Variants in TFEB observed in about 807,000 individuals in gnomAD.
The protein encoded by TFEB is T-cell transcription factor EB.
Under a neutral mutation model 48.0 loss-of-function variants are expected in TFEB, and 12 were observed. The ratio of observed to expected loss-of-function variants is 0.25; its 90% confidence interval spans 0.16 to 0.40. TFEB has a LOEUF of 0.40. Ranked by LOEUF, TFEB falls within the 10% of genes least tolerant of loss-of-function variation. The probability of loss-of-function intolerance (pLI) is 1.00; values close to 1 mark genes in which losing one functional copy is unlikely to be tolerated. For synonymous variants in TFEB, 244 were observed against 261.4 expected (o/e 0.93, Z 0.64); for missense variants, 509 against 640.3 (o/e 0.79, Z 2.21).
At chr6:41,686,700 G>A (rs1445988337) in intron 7 of TFEB, 4 of 259,372 alleles carry the variant, frequency 1.5e-5, no homozygotes, top group Non-Finnish European at 3.0e-5. Context: ...ATTTTTAGTA[G>A]AGATGGGGTT....
chr6:41,688,136 G>C (rs1769113231), intron 4 of TFEB, 108 bp from the exon 5 acceptor site: 1 of 1,386,462 alleles, frequency 7.2e-7, no homozygotes, highest in Admixed American at 2.4e-5. Flanking sequence ...CACCTGGAGT[G>C]TCAAAATTCA....
chr6:41,690,374 G>C (rs9471627), intron 3 of TFEB, among the ~76,000 whole-genome samples: 69,944 of 151,988 alleles, frequency 0.46, 16,238 homozygotes, highest in Middle Eastern at 0.58. Context: ...AAGTGATCTG[G>C]CTGCCTCAGC....
At chr6:41,729,114 C>A (rs1224138549) in intron 1 of TFEB, among the ~76,000 whole-genome samples, 3 of 152,030 alleles carry the variant, frequency 2.0e-5, no homozygotes, top group Non-Finnish European at 2.9e-5. Flanking sequence ...GCCTCCCCTG[C>A]AGCAGGGCTG....
chr6:41,735,507 C>T lies in TFEB; in HGVS notation c.-180G>A. ...AGGCCCGCCCCGTCCGCCCTTCCCG[C>T]CGCCGTCGGCGCCGCGGCCGCTCCC... On this transcript the variant is annotated 5_prime_UTR_variant, in exon 1 of 9. Transcript: ENST00000373033. The T allele has an allele frequency of 1.0e-6, 1 of 984,328 alleles. No individual in the cohort carries two copies. The highest frequency in any genetic ancestry group is 1.2e-6 in the Non-Finnish European group (1 of 829,700). The allele number at this position is 984,328 out of a possible 1,614,324, so 61.0% of individuals were successfully genotyped here.
chr6:41,690,420 G>A (rs2127448218), intron 3 of TFEB, among the ~76,000 whole-genome samples: 1 of 152,312 alleles, frequency 6.6e-6, no homozygotes, highest in South Asian at 2.1e-4. Flanking sequence ...GTGAGCCACG[G>A]CACCTGACTT....
intron 1 of TFEB, among the ~76,000 whole-genome samples, chr6:41,693,048 G>C (rs1769393362): frequency 6.6e-6 from 1 of 152,188 alleles, no homozygotes; most frequent in South Asian, 2.1e-4. Context: ...TAGCACCTGG[G>C]AGGCTGAGTG....
At position 41,730,626 on chromosome 6, in the gene TFEB, C is replaced by T. The variant is rs536355902; in HGVS notation, c.-23+4724G>A. On this transcript the variant is annotated intron_variant, in intron 1 of 8. Coordinates refer to ENST00000373033, the MANE Select transcript of TFEB (RefSeq NM_001271944.2). This position sits in a 1 kb window ranked among gnomAD's most constrained non-coding sequence, Gnocchi z 4.1. ...CTCTGCTCCTCTTGGCTCTCACCCA[C>T]GGCTTTGCCATTTCACAGCAAAGCA... Among the ~76,000 whole-genome samples the T allele has an allele frequency of 2.6e-5, 4 of 152,362 alleles. No homozygotes were observed. Among genetic ancestry groups the T allele is most frequent in the Admixed American group, 2.6e-4 (4 of 15,306 alleles).
intron 1 of TFEB, among the ~76,000 whole-genome samples, chr6:41,728,388 C>T (rs1016208946): frequency 5.9e-5 from 9 of 152,176 alleles, no homozygotes; most frequent in Admixed American, 5.9e-4. Flanking sequence ...TCTGACACCC[C>T]CAGCTCTACG....
At chr6:41,703,276 C>T (rs1270009837) in intron 1 of TFEB, among the ~76,000 whole-genome samples, 1 of 152,226 alleles carries the variant, frequency 6.6e-6, no homozygotes, top group Non-Finnish European at 1.5e-5. Context: ...GCTTCTGGCT[C>T]CTGGTCCCAA....
intron 1 of TFEB, among the ~76,000 whole-genome samples, chr6:41,712,454 C>T (rs1770524831): frequency 6.6e-6 from 1 of 152,230 alleles, no homozygotes; most frequent in South Asian, 2.1e-4. Flanking sequence ...TCTCACTAGC[C>T]ATGAGGCCTT....
chr6:41,691,070 C>T lies in TFEB; in HGVS notation c.144G>A (p.Pro48=), dbSNP rs141657197. The T allele has an allele frequency of 5.5e-5, 87 of 1,570,846 alleles. No individual in the cohort carries two copies. The African/African-American group carries it at 6.1e-4, about 11-fold the overall frequency. The change falls in exon 2 of 9, where the codon CCG becomes CCA. Residue 48 remains proline, a synonymous_variant. Coordinates refer to ENST00000373033, the MANE Select transcript of TFEB (RefSeq NM_001271944.2). The surrounding 1 kb of genome is among the most constrained non-coding windows in gnomAD (Gnocchi z 5.2). ...CGGGGGTATTGATGGCCGGGGTGGGCGGCCCTCCGAGCTGCTGCTGTTGCT... is the reference window on the plus strand; with the variant it reads ...CGGGGGTATTGATGGCCGGGGTGGGTGGCCCTCCGAGCTGCTGCTGTTGCT... ...QQQQQQQLGG[P]PTPAINTPVH...
rs1032431492 is a variant in TFEB at position 41,735,417 on chromosome 6, G to C, written c.-90C>G. 7 of 985,378 alleles carry C rather than the reference G, an allele frequency of 7.1e-6. No homozygotes were observed. In the Admixed American group the frequency reaches 1.9e-4, roughly 26 times the overall value. The allele number at this position is 985,378 out of a possible 1,614,324, so 61.0% of individuals were successfully genotyped here. On this transcript the variant is annotated 5_prime_UTR_variant, in exon 1 of 9. Coordinates refer to ENST00000373033, the MANE Select transcript of TFEB (RefSeq NM_001271944.2). Reference sequence around the variant, plus strand: ...CTCCGGCAACTTGTCGCAAGTTCGGGTGCCTGGCCCGCAAGCTGTGCCCGC... The same window carrying C: ...CTCCGGCAACTTGTCGCAAGTTCGGCTGCCTGGCCCGCAAGCTGTGCCCGC...
chr6:41,713,473 C>T (rs544883797), intron 1 of TFEB, among the ~76,000 whole-genome samples: 18 of 152,296 alleles, frequency 1.2e-4, no homozygotes, highest in Admixed American at 3.3e-4. Flanking sequence ...TGATCCCCTC[C>T]GGTCCCTACG....
At chr6:41,689,501 C>T (rs897950067) in intron 4 of TFEB, among the ~76,000 whole-genome samples, 2 of 152,226 alleles carry the variant, frequency 1.3e-5, no homozygotes, top group African/African-American at 4.8e-5. Flanking sequence ...GCCCCTTCTC[C>T]CCTCTGAAGC....
intron 1 of TFEB, among the ~76,000 whole-genome samples, chr6:41,695,854 G>A (rs1769549868): frequency 6.6e-6 from 1 of 152,226 alleles, no homozygotes; most frequent in South Asian, 2.1e-4. Flanking sequence ...TTATGGGGGG[G>A]CCCAACCTGC....
intron 1 of TFEB, among the ~76,000 whole-genome samples, chr6:41,705,023 C>T (rs745395988): frequency 4.6e-5 from 7 of 152,204 alleles, no homozygotes; most frequent in Non-Finnish European, 8.8e-5. Context: ...ATGAGACACA[C>T]CCATTCATGC....
chr6:41,717,743 C>T (rs1770799810), intron 1 of TFEB, among the ~76,000 whole-genome samples: 1 of 152,160 alleles, frequency 6.6e-6, no homozygotes, highest in Non-Finnish European at 1.5e-5. Flanking sequence ...CAACACTTCT[C>T]TGAGGACAAA....
At chr6:41,700,913 G>A (rs1004222776) in intron 1 of TFEB, among the ~76,000 whole-genome samples, 1 of 152,244 alleles carries the variant, frequency 6.6e-6, no homozygotes, top group African/African-American at 2.4e-5. Flanking sequence ...TGCAGACCAG[G>A]GAGTCGCCCT....
At position 41,684,897 on chromosome 6, in the gene TFEB, T is replaced by C. The variant is rs1264743239; in HGVS notation, c.1133A>G (p.Gln378Arg). The part of the protein sequence containing the change: ...DPEPLPALPP[Q>R]APLPLPTQPP... The stretch of plus-strand genomic sequence containing the variant: ...CTGGGTGGGCAGGGGCAGCGGGGCT[T>C]GCGGGGGCAGAGCTGGCAGTGGCTC... The change falls in exon 9 of 9, where the codon CAA (glutamine) becomes CGA (arginine). Residue 378 changes from glutamine (Q) to arginine (R), a missense_variant. Transcript: ENST00000373033. 6.4e-7 allele frequency: 1 copy of C among 1,569,976 alleles called. No individual in the cohort carries two copies. Among genetic ancestry groups the C allele is most frequent in the Admixed American group, 1.8e-5 (1 of 55,538 alleles).
Sources: gnomAD v4.1 joint callset for allele counts (sites outside exome capture counted in the v4.1 genomes callset) on GRCh38, gnomAD v4.1.1 for gene constraint, Gnocchi (gnomAD v3.1) non-coding constraint, MANE v1.5 for transcripts, NCBI Gene and HGNC (gene_info 2026-07-23, HGNC 2026-07-21) for gene names.